ST3GAL3: variants seen among roughly 807,000 people sequenced by gnomAD.
The protein encoded by ST3GAL3 is CMP-N-acetylneuraminate-beta-1,4-galactoside alpha-2,3-sialyltransferase.
ST3GAL3 carries 21 observed loss-of-function variants against 50.1 expected under a neutral mutation model. The ratio of observed to expected loss-of-function variants is 0.42; its 90% CI spans 0.30 to 0.60. The LOEUF is 0.60. Ranked by LOEUF, ST3GAL3 falls within the 20% of genes least tolerant of loss-of-function variation. ST3GAL3 has a pLI of 0.19. For synonymous variants in ST3GAL3, 183 were observed against 190.0 expected, an observed-to-expected ratio of 0.96 and a Z score of 0.30; for missense variants, 353 against 489.4, an observed-to-expected ratio of 0.72 and a Z score of 2.63.
chr1:43,721,389 C>T (rs1245811576), intron 1 of ST3GAL3, among the ~76,000 whole-genome samples: 17 of 150,608 alleles, frequency 1.1e-4, no homozygotes, highest in Admixed American at 9.9e-4. Context: ...ACTGCAACCT[C>T]CACCTCCCAG....
At chr1:43,767,107 C>T (rs144362911) in intron 2 of ST3GAL3, among the ~76,000 whole-genome samples, 1 of 152,010 alleles carries the variant, frequency 6.6e-6, no homozygotes, top group East Asian at 1.9e-4. Context: ...GGCTAGATTG[C>T]GAGAGAAAGA....
At chr1:43,747,897 T>C (rs1333849694) in intron 2 of ST3GAL3, among the ~76,000 whole-genome samples, 1 of 152,058 alleles carries the variant, frequency 6.6e-6, no homozygotes, top group African/African-American at 2.4e-5. Context: ...GGGATTTTTA[T>C]GGAGGATTCG....
chr1:43,899,898 A>C lies in ST3GAL3; in HGVS notation c.744+171A>C, dbSNP rs2078007758. Among the ~76,000 whole-genome samples the C allele has an allele frequency of 6.6e-6, 1 of 152,136 alleles. No individual in the cohort carries two copies. The highest frequency in any genetic ancestry group is 1.5e-5 in the Non-Finnish European group (1 of 68,030). ...AACCAGGGGGCAAAGAGGTCAGGAG[A>C]TTGCCCGGGTTACTGGCCAAACTCC... On this transcript the variant is annotated intron_variant, in intron 9 of 11. Coordinates refer to ENST00000347631, the MANE Select transcript of ST3GAL3 (RefSeq NM_006279.5). The surrounding 1 kb of genome is among the most constrained non-coding windows in gnomAD (Gnocchi z 5.4).
intron 2 of ST3GAL3, among the ~76,000 whole-genome samples, chr1:43,783,746 C>G (rs1475275417): frequency 3.9e-5 from 6 of 152,112 alleles, no homozygotes; most frequent in Non-Finnish European, 8.8e-5. Flanking sequence ...GCCCCCACCC[C>G]CCGCAGTCTT....
chr1:43,800,930 A>C (rs1188710844), intron 3 of ST3GAL3, among the ~76,000 whole-genome samples: 1 of 152,076 alleles, frequency 6.6e-6, no homozygotes, highest in East Asian at 1.9e-4. Context: ...GAAATGATAG[A>C]GCTGTTTTGG....
intron 1 of ST3GAL3, among the ~76,000 whole-genome samples, chr1:43,729,097 T>TTC (rs1235662523): frequency 6.7e-6 from 1 of 149,094 alleles, no homozygotes; most frequent in African/African-American, 2.5e-5. Context: ...TTCTTTTTTT[T>TTC]TTTTTTTTTT....
In ST3GAL3 at chr1:43,762,353, A is replaced by C. The variant is rs1436744716; in HGVS notation, c.118+25973A>C. 2.0e-5 allele frequency among the ~76,000 whole-genome samples: 3 copies of C among 151,696 alleles called. No individual in the cohort carries two copies. The East Asian group carries it at 5.8e-4, about 29-fold the overall frequency. ...ATATCTGTGAAGGTATCAGAGACTT[A>C]TTTAGTCTCTGATGTTTTACTTATT... On this transcript the variant is annotated intron_variant, in intron 2 of 11. Coordinates refer to ENST00000347631, the MANE Select transcript of ST3GAL3 (RefSeq NM_006279.5).
intron 2 of ST3GAL3, among the ~76,000 whole-genome samples, chr1:43,785,680 G>A (rs61768434): frequency 0.025 from 3,867 of 152,204 alleles, 50 homozygotes; most frequent in African/African-American, 0.038. Context: ...AGCATCTAGC[G>A]CAGCCTACAG....
At chr1:43,742,665 A>G (rs900446824) in intron 2 of ST3GAL3, among the ~76,000 whole-genome samples, 1 of 152,242 alleles carries the variant, frequency 6.6e-6, no homozygotes, top group Non-Finnish European at 1.5e-5. Context: ...CAAAGTAACT[A>G]TTATGAATAT....
rs773363943 is a variant in ST3GAL3 at position 43,930,440 on chromosome 1, C to T, written c.*219C>T. On this transcript the variant is annotated 3_prime_UTR_variant, in exon 12 of 12. Transcript: ENST00000347631. The stretch of plus-strand genomic sequence containing the variant: ...TGGGTCCTTGATGCCAGAGGGCCAG[C>T]AGGCTCCTGGCTGTGCCCAGCAGGC... 31 of 610,732 alleles carry T rather than the reference C, an allele frequency of 5.1e-5. No individual in the cohort carries two copies. Among genetic ancestry groups the T allele is most frequent in the African/African-American group, 9.2e-5 (5 of 54,572 alleles). 37.8% of individuals were successfully genotyped at this position (610,732 alleles called of 1,614,324 possible). A position where few individuals can be genotyped will look rare whatever the true frequency, so the allele number is the denominator to read the frequency against.
intron 2 of ST3GAL3, among the ~76,000 whole-genome samples, chr1:43,742,961 G>C (rs1474839675): frequency 2.0e-5 from 3 of 152,040 alleles, no homozygotes; most frequent in African/African-American, 7.2e-5. Flanking sequence ...AGCTGGGCCT[G>C]GTGGCACGTG....
chr1:43,866,269 A>G (rs1163230958), intron 5 of ST3GAL3, among the ~76,000 whole-genome samples: 2 of 152,134 alleles, frequency 1.3e-5, no homozygotes, highest in African/African-American at 4.8e-5. Flanking sequence ...GTGGTCAGAG[A>G]AGGATTTTTG....
At chr1:43,731,619 G>A (rs1443198384) in intron 1 of ST3GAL3, among the ~76,000 whole-genome samples, 2 of 144,888 alleles carry the variant, frequency 1.4e-5, no homozygotes, top group Non-Finnish European at 1.5e-5. Context: ...GGATGGTCTC[G>A]ATCTCTTGAC....
At chr1:43,917,600 A>AT (rs1228233809) in intron 9 of ST3GAL3, among the ~76,000 whole-genome samples, 754 of 17,384 alleles carry the variant, frequency 0.043, 20 homozygotes, top group African/African-American at 0.081. Context: ...TATAATATAT[A>AT]TATTATATAT....
At chr1:43,810,162 G>T (rs2060386220) in intron 3 of ST3GAL3, among the ~76,000 whole-genome samples, 1 of 152,060 alleles carries the variant, frequency 6.6e-6, no homozygotes, top group African/African-American at 2.4e-5. Flanking sequence ...AATATTTGAA[G>T]AAATAAGAAC....
At chr1:43,788,659 T>C (rs1351341463) in intron 2 of ST3GAL3, among the ~76,000 whole-genome samples, 1 of 152,208 alleles carries the variant, frequency 6.6e-6, no homozygotes, top group East Asian at 1.9e-4. Flanking sequence ...AGCAAGAATA[T>C]TTACTAGCTT....
intron 4 of ST3GAL3, among the ~76,000 whole-genome samples, chr1:43,830,902 A>G (rs1458044091): frequency 3.9e-5 from 6 of 152,254 alleles, no homozygotes; most frequent in African/African-American, 1.2e-4. Context: ...TATTGAAACT[A>G]TGATAATAAT....
intron 1 of ST3GAL3, among the ~76,000 whole-genome samples, chr1:43,718,670 C>G (rs1240941885): frequency 2.3e-5 from 3 of 128,914 alleles, no homozygotes; most frequent in Non-Finnish European, 4.9e-5. Flanking sequence ...TTTTATCCTT[C>G]TGCTACATCT....
In ST3GAL3 at chr1:43,767,275, C is replaced by T. The variant is rs539596801; in HGVS notation, c.119-24827C>T. On this transcript the variant is annotated intron_variant, in intron 2 of 11. Transcript: ENST00000347631. ...GCAGAGGGAAGATTATGGATAGAGG[C>T]GCAAGAGTGCAAGGCATGGCATGAG... is the stretch of plus-strand genomic sequence containing the variant. Among the ~76,000 whole-genome samples the T allele has an allele frequency of 9.9e-5, 15 of 152,052 alleles. No individual in the cohort carries two copies. In the South Asian group the frequency reaches 2.5e-3, roughly 25 times the overall value.
Sources: gnomAD v4.1 joint callset for allele counts (sites outside exome capture counted in the v4.1 genomes callset) on GRCh38, gnomAD v4.1.1 for gene constraint, Gnocchi (gnomAD v3.1) non-coding constraint, MANE v1.5 for transcripts, NCBI Gene and HGNC (gene_info 2026-07-23, HGNC 2026-07-21) for gene names.